ZDHHC21: variants seen among roughly 807,000 people sequenced by gnomAD.
ZDHHC21 encodes the protein zDHHC palmitoyltransferase 21, also known as palmitoyltransferase ZDHHC21.
Under a neutral mutation model 34.6 loss-of-function variants are expected in ZDHHC21, and 15 were observed. That is an observed-to-expected ratio of 0.43 (90% CI 0.29 to 0.67). The LOEUF (loss-of-function observed/expected upper bound fraction) is 0.67, where lower values mean the gene tolerates loss of function less well. Among genes scored for constraint, ZDHHC21 ranks in the 30% least tolerant of loss-of-function variants. The pLI is 0.14. For missense variants in ZDHHC21, 344 were observed against 327.7 expected, an observed-to-expected ratio of 1.05 and a Z score of -0.38; for synonymous variants, 142 against 101.8, an observed-to-expected ratio of 1.40 and a Z score of -2.38.
intron 2 of ZDHHC21, among the ~76,000 whole-genome samples, chr9:14,686,044 G>A (rs574290174): frequency 4.0e-5 from 6 of 151,708 alleles, no homozygotes; most frequent in East Asian, 1.9e-4. Context: ...ATCACACACC[G>A]GGGCCTGTCG....
intron 8 of ZDHHC21, among the ~76,000 whole-genome samples, chr9:14,636,680 G>C (rs952891972): frequency 6.6e-6 from 1 of 151,862 alleles, no homozygotes; most frequent in Non-Finnish European, 1.5e-5. Context: ...CAAGAAACAT[G>C]AAAAAAATCT....
intron 5 of ZDHHC21, among the ~76,000 whole-genome samples, chr9:14,670,866 C>T (rs1835318189): frequency 6.6e-6 from 1 of 152,014 alleles, no homozygotes; most frequent in South Asian, 2.1e-4. Flanking sequence ...AAAATCCATC[C>T]ATCTTAACAC....
chr9:14,630,337 T>C (rs1473152331), intron 8 of ZDHHC21, among the ~76,000 whole-genome samples: 1 of 152,130 alleles, frequency 6.6e-6, no homozygotes, highest in African/African-American at 2.4e-5. Flanking sequence ...AAGAAGCAAA[T>C]TCCCATTCAT....
chr9:14,651,114 G>C (rs1462253814), intron 7 of ZDHHC21, among the ~76,000 whole-genome samples: 1 of 151,736 alleles, frequency 6.6e-6, no homozygotes, highest in South Asian at 2.1e-4. Flanking sequence ...TAGAGAAATA[G>C]TAAACTTTGC....
intron 8 of ZDHHC21, among the ~76,000 whole-genome samples, chr9:14,638,061 G>A (rs913260743): frequency 1.3e-5 from 2 of 151,826 alleles, no homozygotes; most frequent in Non-Finnish European, 2.9e-5. Context: ...GGCCCGAATA[G>A]TCAAAAAAAT....
intron 8 of ZDHHC21, chr9:14,622,513 A>T: frequency 1.0e-6 from 1 of 985,128 alleles, no homozygotes; most frequent in African/African-American, 1.7e-5. Context: ...GCAAGAATTT[A>T]TCACCAGAGG....
At chr9:14,608,068 C>A (rs181037194), downstream of ZDHHC21, among the ~76,000 whole-genome samples, 1 of 152,158 alleles carries the variant, frequency 6.6e-6, no homozygotes, top group East Asian at 1.9e-4. Context: ...AAGTGCAGAC[C>A]ATCCAAAAAC....
intron 8 of ZDHHC21, among the ~76,000 whole-genome samples, chr9:14,621,661 A>T (rs1034283454): frequency 2.0e-5 from 3 of 152,070 alleles, no homozygotes; most frequent in East Asian, 3.9e-4. Context: ...GAATACTGTT[A>T]TAAGTACAAT....
the ZDHHC21 span, among the ~76,000 whole-genome samples, chr9:14,596,842 T>C: frequency 1.1e-4 from 16 of 152,118 alleles, 1 homozygote; most frequent in African/African-American, 3.9e-4. Flanking sequence ...GAGTAGAAGA[T>C]CACACATTGA....
intron 2 of ZDHHC21, among the ~76,000 whole-genome samples, chr9:14,689,596 C>A (rs2890988): frequency 0.73 from 110,565 of 152,012 alleles, 40,552 homozygotes; most frequent in South Asian, 0.8. Context: ...AATAAATGTA[C>A]ATGACTGTAT....
intron 8 of ZDHHC21, among the ~76,000 whole-genome samples, chr9:14,636,210 A>T (rs1828277884): frequency 6.6e-6 from 1 of 152,248 alleles, no homozygotes; most frequent in South Asian, 2.1e-4. Flanking sequence ...CTGAAAGTAA[A>T]GAGACAGAAA....
chr9:14,635,598 A>G (rs1828149394), intron 8 of ZDHHC21, among the ~76,000 whole-genome samples: 1 of 152,238 alleles, frequency 6.6e-6, no homozygotes, highest in Non-Finnish European at 1.5e-5. Context: ...TCCTTCATAA[A>G]TAAAGGAAAA....
chr9:14,662,115 A>C, intron 6 of ZDHHC21, 100 bp downstream of exon 6: 1 of 703,688 alleles, frequency 1.4e-6, no homozygotes, highest in South Asian at 2.7e-5. Flanking sequence ...TTGTAAAACT[A>C]TATAACTTTA....
intron 7 of ZDHHC21, among the ~76,000 whole-genome samples, chr9:14,643,253 AAT>A (rs930369174): frequency 3.3e-5 from 5 of 151,848 alleles, no homozygotes; most frequent in African/African-American, 1.2e-4. Flanking sequence ...GTCTCAAAAA[AAT>A]ATATATATAT....
chr9:14,665,922 A>C (rs1320789714), intron 5 of ZDHHC21, among the ~76,000 whole-genome samples: 1 of 149,860 alleles, frequency 6.7e-6, no homozygotes, highest in Non-Finnish European at 1.5e-5. Context: ...CATCGAGACT[A>C]GGAAGAAACT....
intron 9 of ZDHHC21, among the ~76,000 whole-genome samples, chr9:14,619,393 G>C (rs1304945072): frequency 6.6e-6 from 1 of 152,030 alleles, no homozygotes; most frequent in Non-Finnish European, 1.5e-5. Flanking sequence ...TGTACTTTCA[G>C]GACAAATAAT....
the ZDHHC21 span, among the ~76,000 whole-genome samples, chr9:14,604,810 C>G: frequency 6.6e-6 from 1 of 152,108 alleles, no homozygotes; most frequent in Admixed American, 6.6e-5. Context: ...TGTTATACAA[C>G]AGAGCTCTAG....
At chr9:14,692,557 G>A (rs1451688761) in intron 1 of ZDHHC21, among the ~76,000 whole-genome samples, 9 of 147,882 alleles carry the variant, frequency 6.1e-5, no homozygotes, top group Non-Finnish European at 1.1e-4. Context: ...ACTCTCAAGG[G>A]ATCTTAAAAT....
intron 8 of ZDHHC21, among the ~76,000 whole-genome samples, chr9:14,623,417 T>C (rs1410940177): frequency 6.6e-6 from 1 of 151,900 alleles, no homozygotes; most frequent in Non-Finnish European, 1.5e-5. Flanking sequence ...TAGTCCTCGC[T>C]ACTTGGGGGA....
Sources: allele counts gnomAD v4.1 joint callset (sites outside exome capture counted in the v4.1 genomes callset), GRCh38; gene constraint gnomAD v4.1.1; transcripts MANE v1.5; gene names NCBI Gene and HGNC (gene_info 2026-07-23, HGNC 2026-07-21).